Variants in ELAPOR2 observed in about 807,000 individuals in gnomAD.
The protein encoded by ELAPOR2 is endosome-lysosome associated apoptosis and autophagy regulator family member 2, also known as endosome/lysosome-associated apoptosis and autophagy regulator family member 2.
A neutral mutation model predicts 120.7 loss-of-function variants in ELAPOR2; 89 were observed. That is an observed-to-expected ratio of 0.74 (90% CI 0.62 to 0.88). ELAPOR2 has a LOEUF of 0.88. ELAPOR2 is among the 40% of genes least tolerant of loss of function. ELAPOR2 has a pLI of 0.00. For synonymous variants in ELAPOR2, 444 were observed against 444.9 expected, an observed-to-expected ratio of 1.00 and a Z score of 0.03; for missense variants, 1,134 against 1,251.6, an observed-to-expected ratio of 0.91 and a Z score of 1.42.
intron 10 of ELAPOR2, among the ~76,000 whole-genome samples, chr7:86,921,411 G>A (rs562275530): frequency 2.6e-5 from 4 of 152,076 alleles, no homozygotes; most frequent in South Asian, 4.2e-4. Flanking sequence ...GAGGGAGGAC[G>A]GCCCTTTGAA....
At chr7:86,886,690 T>A (rs1051565061) in intron 21 of ELAPOR2, among the ~76,000 whole-genome samples, 1 of 152,130 alleles carries the variant, frequency 6.6e-6, no homozygotes, top group Non-Finnish European at 1.5e-5. Context: ...ACGAATGGCA[T>A]ATATTCAAGA....
chr7:86,936,888 A>G (rs1385425467), intron 8 of ELAPOR2, among the ~76,000 whole-genome samples: 1 of 152,134 alleles, frequency 6.6e-6, no homozygotes, highest in Non-Finnish European at 1.5e-5. Context: ...TTTACATTAG[A>G]TCCCATTCCT....
chr7:86,912,818 A>G, intron 14 of ELAPOR2, 123 bp downstream of exon 14: 1 of 1,139,614 alleles, frequency 8.8e-7, no homozygotes, highest in Non-Finnish European at 1.2e-6. Context: ...AATGGTAAGT[A>G]GAAAGTCTTA....
At chr7:86,953,036 C>T (rs1322666362) in intron 2 of ELAPOR2, among the ~76,000 whole-genome samples, 1 of 148,988 alleles carries the variant, frequency 6.7e-6, no homozygotes, top group Admixed American at 6.8e-5. Context: ...ACAGAGTTTG[C>T]AGTAAGCTTA....
At chr7:87,039,238 C>A (rs1485277876) in intron 1 of ELAPOR2, among the ~76,000 whole-genome samples, 1 of 151,770 alleles carries the variant, frequency 6.6e-6, no homozygotes, top group African/African-American at 2.4e-5. Context: ...CTGAACAGAC[C>A]AATACCAATG....
At chr7:87,006,676 A>G (rs1390268200) in intron 1 of ELAPOR2, among the ~76,000 whole-genome samples, 1 of 152,168 alleles carries the variant, frequency 6.6e-6, no homozygotes, top group Non-Finnish European at 1.5e-5. Flanking sequence ...CACCTATCCA[A>G]TGGTCCAGCC....
intron 8 of ELAPOR2, among the ~76,000 whole-genome samples, chr7:86,932,445 C>T (rs778301891): frequency 6.6e-6 from 1 of 151,792 alleles, no homozygotes; most frequent in Non-Finnish European, 1.5e-5. Context: ...TCCCCAAGCA[C>T]CCATTGAAAG....
At chr7:86,944,424 T>C (rs974309064) in intron 4 of ELAPOR2, among the ~76,000 whole-genome samples, 4 of 151,978 alleles carry the variant, frequency 2.6e-5, no homozygotes, top group African/African-American at 9.7e-5. Context: ...CACTTCTACT[T>C]CTGAAAAAAA....
Position 86,926,752 on chromosome 7 carries a change from A to G in ELAPOR2, c.1254T>C (p.Phe418=). 1 of 1,608,524 alleles carries G rather than the reference A, an allele frequency of 6.2e-7. No homozygotes were observed. Among genetic ancestry groups the G allele is most frequent in the Non-Finnish European group, 8.5e-7 (1 of 1,177,350 alleles). The change falls in exon 9 of 22, where the codon TTT becomes TTC. Residue 418 remains phenylalanine (F), a synonymous_variant. Coordinates refer to ENST00000450689, the MANE Select transcript of ELAPOR2 (RefSeq NM_001142749.3). ...ACATCCTACCTTTGGTTCCATCTGA[A>G]AATGTTCCAGGAGGACAGGGATGGC... ...SSCHPCPPGT[F]SDGTKECRPC... is the part of the protein sequence containing the mutation.
chr7:87,011,310 A>G (rs1197512013), intron 1 of ELAPOR2, among the ~76,000 whole-genome samples: 1 of 151,916 alleles, frequency 6.6e-6, no homozygotes, highest in Non-Finnish European at 1.5e-5. Context: ...CATGTTTGCA[A>G]ATGAACAATT....
intron 1 of ELAPOR2, among the ~76,000 whole-genome samples, chr7:87,022,567 G>A (rs901958970): frequency 6.6e-6 from 1 of 152,110 alleles, no homozygotes; most frequent in East Asian, 1.9e-4. Context: ...ATAGCAGCAT[G>A]ATTTATAATC....
intron 1 of ELAPOR2, among the ~76,000 whole-genome samples, chr7:86,984,137 G>T (rs141965129): frequency 6.6e-6 from 1 of 152,080 alleles, no homozygotes; most frequent in South Asian, 2.1e-4. Flanking sequence ...AGAGCTAACT[G>T]TCCTAAATAT....
At chr7:86,914,691 T>C in intron 13 of ELAPOR2, 32 bp downstream of exon 13, 1 of 1,581,400 alleles carries the variant, frequency 6.3e-7, no homozygotes, top group East Asian at 2.3e-5. Context: ...TTAGTGTGTT[T>C]AAAATTTTAA....
At chr7:86,885,727 A>G (rs969858882) in intron 21 of ELAPOR2, among the ~76,000 whole-genome samples, 5 of 152,144 alleles carry the variant, frequency 3.3e-5, no homozygotes, top group Non-Finnish European at 7.4e-5. Context: ...TACAAATAAG[A>G]GGATTTGAGC....
rs1024208247 is a variant in ELAPOR2 at position 86,929,142 on chromosome 7, A to C, written c.1090-2226T>G. 1.7e-4 allele frequency among the ~76,000 whole-genome samples: 26 copies of C among 152,094 alleles called. 1 individual carries two copies. Among genetic ancestry groups the C allele is most frequent in the African/African-American group, 4.8e-4 (20 of 41,536 alleles). On this transcript the variant is annotated intron_variant, in intron 8 of 21. Transcript: ENST00000450689. ...CATTCATATACAGCATGAAAAAAAA[A>C]CCACATTTTTAAAAACACACAGAGG...
intron 1 of ELAPOR2, among the ~76,000 whole-genome samples, chr7:86,985,168 A>C (rs1203015706): frequency 6.6e-6 from 1 of 152,252 alleles, no homozygotes; most frequent in African/African-American, 2.4e-5. Context: ...TGAATAGACC[A>C]ATAACAGGCT....
chr7:86,994,537 T>C (rs1793060402), intron 1 of ELAPOR2, among the ~76,000 whole-genome samples: 1 of 152,194 alleles, frequency 6.6e-6, no homozygotes, highest in Admixed American at 6.5e-5. Flanking sequence ...TCCTTGTCTA[T>C]TGTCTAAAAT....
At position 86,906,834 on chromosome 7, in the gene ELAPOR2, G is replaced by C. The variant is rs549549134; in HGVS notation, c.2558+836C>G. On this transcript the variant is annotated intron_variant, in intron 18 of 21. Transcript: ENST00000450689. ...ACTTGAGGCTAGGAGTTTGAGACCA[G>C]CTTGGGCAATGTAGGGAGATTCCCA... Among the ~76,000 whole-genome samples the C allele has an allele frequency of 2.6e-5, 4 of 152,022 alleles. No homozygotes were observed. The South Asian group carries it at 8.3e-4, about 32-fold the overall frequency.
chr7:87,033,641 A>C lies in ELAPOR2; in HGVS notation c.189+25684T>G, dbSNP rs576770502. ...CAAATAAATGGGCGAACTTAAGAGA[A>C]TCCAAAAAAAATTTTTAACTTTTCA... On this transcript the variant is annotated intron_variant, in intron 1 of 21. Coordinates refer to ENST00000450689, the MANE Select transcript of ELAPOR2 (RefSeq NM_001142749.3). Among the ~76,000 whole-genome samples the C allele has an allele frequency of 2.7e-4, 41 of 151,698 alleles. 1 individual carries two copies. Among genetic ancestry groups the C allele is most frequent in the African/African-American group, 9.7e-4 (40 of 41,032 alleles).
Sources: allele counts gnomAD v4.1 joint callset (sites outside exome capture counted in the v4.1 genomes callset), GRCh38; gene constraint gnomAD v4.1.1; transcripts MANE v1.5; gene names NCBI Gene and HGNC (gene_info 2026-07-23, HGNC 2026-07-21).